Variants in DNMT3L observed in about 807,000 individuals in gnomAD.
The protein encoded by DNMT3L is DNA (cytosine-5)-methyltransferase 3-like.
A neutral mutation model predicts 36.2 loss-of-function variants in DNMT3L; 33 were observed. The ratio of observed to expected loss-of-function variants is 0.91; its 90% CI spans 0.69 to 1.22. DNMT3L has a LOEUF of 1.22. Ranked by LOEUF, DNMT3L falls within the 50% of genes most tolerant of loss-of-function variation. The pLI is 0.00. For synonymous variants in DNMT3L, 117 were observed against 121.7 expected, an observed-to-expected ratio of 0.96 and a Z score of 0.26; for missense variants, 310 against 303.1, an observed-to-expected ratio of 1.02 and a Z score of -0.17.
rs368717133 is a variant in DNMT3L at position 44,260,864 on chromosome 21, C to T, written c.107-25G>A. On this transcript the variant is annotated intron_variant, in intron 2 of 11. Transcript: ENST00000628202. The stretch of plus-strand genomic sequence containing the variant: ...TCTGGAAAGGAAGATAAGAAGTAGC[C>T]CCTTTCTTCTTCCTCTGATCTCTTA... 161 of 1,612,752 alleles carry T rather than the reference C, an allele frequency of 1.0e-4. No homozygotes were observed. In the African/African-American group the frequency reaches 2.0e-3, roughly 20 times the overall value.
At chr21:44,260,178 A>C (rs1416226665) in intron 3 of DNMT3L, among the ~76,000 whole-genome samples, 1 of 152,178 alleles carries the variant, frequency 6.6e-6, no homozygotes, top group Non-Finnish European at 1.5e-5. Context: ...GCTGATCCTA[A>C]ATTCATACGG....
chr21:44,259,849 G>C, intron 3 of DNMT3L, 138 bp from the exon 4 acceptor site: 1 of 907,138 alleles, frequency 1.1e-6, no homozygotes, highest in South Asian at 1.6e-5. Context: ...TGTTAAGGAA[G>C]ATGGAACAAA....
rs1166062056 is a variant in DNMT3L at position 44,254,658 on chromosome 21, G to C, written c.652C>G (p.Leu218Val). The C allele has an allele frequency of 6.2e-7, 1 of 1,613,900 alleles. No homozygotes were observed. The highest frequency in any genetic ancestry group is 1.3e-5 in the African/African-American group (1 of 74,892). The change falls in exon 8 of 12, where the codon CTG becomes GTG. Residue 218 changes from leucine (L) to valine (V), a missense_variant. Coordinates refer to ENST00000628202, the MANE Select transcript of DNMT3L (RefSeq NM_175867.3). The stretch of plus-strand genomic sequence containing the variant: ...TCTGTGACATCAACCACATGCTTCA[G>C]TTGTCCCGGGTCAGAACCACTTTCC... ...FLESGSDPGQ[L>V]KHVVDVTDTV...
rs754864909 is a variant in DNMT3L, at chr21:44,260,793, A to G, written c.151+2T>C. On this transcript the variant is annotated splice_donor_variant, in intron 3 of 11. Transcript: ENST00000628202. LOFTEE classifies it high-confidence loss of function. ...GGTGTGGGCCAGTATGCAAACACTC[A>G]CCTTCTATATTTCGCTGGTTAGCCT... The G allele has an allele frequency of 1.9e-6, 3 of 1,613,110 alleles. No individual in the cohort carries two copies. The highest frequency in any genetic ancestry group is 2.5e-6 in the Non-Finnish European group (3 of 1,179,878).
At chr21:44,259,152 C>G (rs570002713) in intron 5 of DNMT3L, among the ~76,000 whole-genome samples, 71 of 152,250 alleles carry the variant, frequency 4.7e-4, no homozygotes, top group African/African-American at 1.7e-3. Flanking sequence ...CCCCTTGTCA[C>G]CCCGGTCATG....
chr21:44,261,175 C>T lies in DNMT3L; in HGVS notation c.85G>A (p.Val29Ile), dbSNP rs368501877. 4.2e-5 allele frequency: 68 copies of T among 1,612,556 alleles called. No homozygotes were observed. The highest frequency in any genetic ancestry group is 2.5e-4 in the African/African-American group (19 of 74,894). ...LVGSSELSSS[V>I]SPGTGRDLIA... ...TCACCTCTGCCTGTCCCGGGTGAAA[C>T]GGAGCTTGAGAGCTCACTGGATCCC... is the stretch of plus-strand genomic sequence containing the variant. Residue 29 changes from valine to isoleucine, a missense_variant, in exon 2 of 12, where the codon GTT becomes ATT. Coordinates refer to ENST00000628202, the MANE Select transcript of DNMT3L (RefSeq NM_175867.3).
At position 44,258,632 on chromosome 21, in the gene DNMT3L, G is replaced by A. The variant is rs775109629; in HGVS notation, c.407C>T (p.Ala136Val). 3.7e-6 allele frequency: 6 copies of A among 1,612,864 alleles called. No individual in the cohort carries two copies. The highest frequency in any genetic ancestry group is 3.3e-5 in the South Asian group (3 of 91,082). ...CAGGTAGCACACCCAGTTGCTCATG[G>A]CGTGCACCTTCCCCGAGGTCCCGGG... is the stretch of plus-strand genomic sequence containing the variant. ...VGPGTSGKVH[A>V]MSNWVCYLCL... The change falls in exon 6 of 12, where the codon GCC (alanine) becomes GTC (valine). Residue 136 changes from alanine (A) to valine (V), a missense_variant. Ala to Val is a moderately conservative substitution (Grantham distance 64, BLOSUM62 0). Transcript: ENST00000628202. The surrounding 1 kb of genome is among the most constrained non-coding windows in gnomAD (Gnocchi z 6.2).
chr21:44,255,989 C>T, intron 7 of DNMT3L, 78 bp downstream of exon 7: 2 of 1,492,702 alleles, frequency 1.3e-6, no homozygotes, highest in Admixed American at 3.4e-5. Flanking sequence ...GGTGGGGAGT[C>T]CCGGGGGGTG....
At chr21:44,255,748 C>T (rs1314586066) in intron 7 of DNMT3L, among the ~76,000 whole-genome samples, 1 of 152,168 alleles carries the variant, frequency 6.6e-6, no homozygotes, top group African/African-American at 2.4e-5. Context: ...CTGCATGGGG[C>T]AGATATGTGC....
intron 3 of DNMT3L, among the ~76,000 whole-genome samples, 171 bp downstream of exon 3, chr21:44,260,619 ATTTTT>A: frequency 6.6e-6 from 1 of 152,122 alleles, no homozygotes; most frequent in East Asian, 1.9e-4. Flanking sequence ...TGCCTGGTTA[ATTTTT>A]ATTTTTATTT....
intron 5 of DNMT3L, 80 bp downstream of exon 5, chr21:44,259,356 AC>A (rs2040294435): frequency 7.1e-7 from 1 of 1,417,048 alleles, no homozygotes. Flanking sequence ...AAGAAAATCC[AC>A]CCACACTCCA....
At position 44,254,684 on chromosome 21, in the gene DNMT3L, A is replaced by C; in HGVS notation, c.626T>G (p.Leu209Trp). The part of the protein sequence containing the change: ...IKKELTSLGF[L>W]ESGSDPGQLK... ...TTGTCCCGGGTCAGAACCACTTTCC[A>C]AAAAGCCCAAACTCGTCAGCTCTGG... is the stretch of plus-strand genomic sequence containing the variant. Residue 209 changes from leucine (L) to tryptophan (W), a missense_variant, in exon 8 of 12, where the codon TTG (leucine) becomes TGG (tryptophan). Transcript: ENST00000628202. 1 of 1,613,882 alleles carries C rather than the reference A, an allele frequency of 6.2e-7. No individual in the cohort carries two copies. Among genetic ancestry groups the C allele is most frequent in the Non-Finnish European group, 8.5e-7 (1 of 1,179,940 alleles).
At chr21:44,259,812 T>G in intron 3 of DNMT3L, 101 bp from the exon 4 acceptor site, 4 of 1,198,510 alleles carry the variant, frequency 3.3e-6, no homozygotes, top group Middle Eastern at 4.1e-4. Context: ...ACTTATACAC[T>G]GAAAACTGCA....
rs1339075621 is a variant in DNMT3L, at chr21:44,258,438, G to A, written c.516+85C>T. The A allele has an allele frequency of 5.0e-5, 73 of 1,453,642 alleles. No individual in the cohort carries two copies. Among genetic ancestry groups the A allele is most frequent in the Non-Finnish European group, 6.4e-5 (70 of 1,095,770 alleles). 90.0% of individuals were successfully genotyped at this position (1,453,642 alleles called of 1,614,324 possible). ...CTGCAGCCGTGGTGCCCGTCGGCGC[G>A]CCTGCATTCTGCAGCGGGAACCGAG... On this transcript the variant is annotated intron_variant, in intron 6 of 11. Coordinates refer to ENST00000628202, the MANE Select transcript of DNMT3L (RefSeq NM_175867.3). This position sits in a 1 kb window ranked among gnomAD's most constrained non-coding sequence, Gnocchi z 6.2.
At chr21:44,256,268 C>G in intron 6 of DNMT3L, 114 bp from the exon 7 acceptor site, 3 of 1,095,612 alleles carry the variant, frequency 2.7e-6, no homozygotes, top group Non-Finnish European at 4.1e-6. Flanking sequence ...TCACCGGAGA[C>G]ACACATAAGA....
In DNMT3L at chr21:44,257,478, G is replaced by A. The variant is rs1034613138; in HGVS notation, c.516+1045C>T. 3.4e-4 allele frequency among the ~76,000 whole-genome samples: 51 copies of A among 151,832 alleles called. 1 individual carries two copies. Among genetic ancestry groups the A allele is most frequent in the East Asian group, 1.2e-3 (6 of 5,190 alleles). On this transcript the variant is annotated intron_variant, in intron 6 of 11. Transcript: ENST00000628202. ...GGGCGGATCACGAGGTCAGGAGATC[G>A]AGACCATCCCGGCTAAAACTGTGAA...
chr21:44,257,693 A>AAT (rs1965497716), intron 6 of DNMT3L, among the ~76,000 whole-genome samples: 5 of 91,942 alleles, frequency 5.4e-5, no homozygotes, highest in East Asian at 7.8e-4. Flanking sequence ...AAAAAAAAAA[A>AAT]AAATAAATAA....
chr21:44,256,251 T>A, intron 6 of DNMT3L, 97 bp from the exon 7 acceptor site: 1 of 1,259,588 alleles, frequency 7.9e-7, no homozygotes, highest in Non-Finnish European at 1.1e-6. Flanking sequence ...GAACACTCAC[T>A]CGAGACTCAC....
intron 6 of DNMT3L, among the ~76,000 whole-genome samples, chr21:44,257,214 T>C (rs1228300124): frequency 6.6e-6 from 1 of 152,088 alleles, no homozygotes; most frequent in Non-Finnish European, 1.5e-5. Flanking sequence ...ACCCTGTCTC[T>C]ACTAAAAGTA....
Sources: allele counts gnomAD v4.1 joint callset (sites outside exome capture counted in the v4.1 genomes callset), GRCh38; gene constraint gnomAD v4.1.1; non-coding constraint Gnocchi (gnomAD v3.1); transcripts MANE v1.5; gene names NCBI Gene and HGNC (gene_info 2026-07-23, HGNC 2026-07-21).